SIRT1: variants seen among roughly 807,000 people sequenced by gnomAD.
The protein encoded by SIRT1 is sirtuin 1.
A neutral mutation model predicts 67.9 loss-of-function variants in SIRT1; 24 were observed. The ratio of observed to expected loss-of-function variants is 0.35; its 90% CI spans 0.26 to 0.50. The LOEUF is 0.50. Among genes scored for constraint, SIRT1 ranks in the 20% least tolerant of loss-of-function variants. SIRT1 has a pLI of 0.98. For synonymous variants in SIRT1, 378 were observed against 350.7 expected (o/e 1.08, Z -0.87); for missense variants, 873 against 937.2 (o/e 0.93, Z 0.89).
At chr10:67,908,542 T>C (rs1421727700) in intron 6 of SIRT1, among the ~76,000 whole-genome samples, 2 of 152,182 alleles carry the variant, frequency 1.3e-5, no homozygotes, top group African/African-American at 4.8e-5. Flanking sequence ...TCCAGAAATA[T>C]GTCCTGTGTG....
chr10:67,885,865 T>C (rs1008886266), intron 1 of SIRT1, among the ~76,000 whole-genome samples: 3 of 152,042 alleles, frequency 2.0e-5, no homozygotes, highest in Non-Finnish European at 4.4e-5. Flanking sequence ...TGTATGTATG[T>C]AGTATTGAGA....
In SIRT1 at chr10:67,891,572, G is replaced by T. The variant is rs1564884335; in HGVS notation, c.942+18G>T. On this transcript the variant is annotated intron_variant, in intron 4 of 8. Coordinates refer to ENST00000212015, the MANE Select transcript of SIRT1 (RefSeq NM_012238.5). ...TTGCAAAGGTACTATGAACTCTTCT[G>T]GTTGTTTCTTTGGCCTTCTCTCATG... 6 of 1,611,490 alleles carry T rather than the reference G, an allele frequency of 3.7e-6. No individual in the cohort carries two copies. The highest frequency in any genetic ancestry group is 4.2e-6 in the Non-Finnish European group (5 of 1,178,604).
In SIRT1 at chr10:67,916,548, G is replaced by C; in HGVS notation, c.2199G>C (p.Val733=). ...DQEAINEAIS[V]KQEVTDMNYP... ...AGGCAATTAATGAAGCTATATCTGT[G>C]AAACAGGAAGTAACAGACATGAACT... Residue 733 remains valine (V), a synonymous_variant, in exon 9 of 9, where the codon GTG becomes GTC. Transcript: ENST00000212015. The C allele has an allele frequency of 6.2e-7, 1 of 1,613,968 alleles. No individual in the cohort carries two copies. The highest frequency in any genetic ancestry group is 8.5e-7 in the Non-Finnish European group (1 of 1,179,934).
intron 3 of SIRT1, among the ~76,000 whole-genome samples, chr10:67,890,297 G>A (rs139004536): frequency 0.012 from 1,752 of 152,000 alleles, 17 homozygotes; most frequent in Non-Finnish European, 0.019. Context: ...CTTGTGATCC[G>A]CCTGCCTTGG....
chr10:67,901,968 C>T (rs796349200), intron 4 of SIRT1, among the ~76,000 whole-genome samples: 32 of 150,014 alleles, frequency 2.1e-4, no homozygotes, highest in African/African-American at 7.8e-4. Context: ...TAATAATTTT[C>T]AGGTATACAA....
intron 4 of SIRT1, among the ~76,000 whole-genome samples, chr10:67,896,005 T>C (rs1175832102): frequency 6.6e-6 from 1 of 152,164 alleles, no homozygotes; most frequent in East Asian, 1.9e-4. Flanking sequence ...GCCAAAGTGC[T>C]GGGATTACAG....
At chr10:67,893,529 T>G in intron 4 of SIRT1, among the ~76,000 whole-genome samples, 1 of 151,778 alleles carries the variant, frequency 6.6e-6, no homozygotes, top group Non-Finnish European at 1.5e-5. Flanking sequence ...ATCCAGAAGT[T>G]AATGAACCTA....
chr10:67,894,947 C>A (rs1461178472), intron 4 of SIRT1, among the ~76,000 whole-genome samples: 4 of 152,182 alleles, frequency 2.6e-5, no homozygotes, highest in Non-Finnish European at 4.4e-5. Flanking sequence ...CCGCCCGTTT[C>A]AGCCTCCCAA....
intron 5 of SIRT1, among the ~76,000 whole-genome samples, chr10:67,907,370 C>G (rs915976521): frequency 1.3e-5 from 2 of 151,608 alleles, no homozygotes; most frequent in African/African-American, 4.9e-5. Context: ...TGGCAGGCGC[C>G]TGTAATCCCA....
At chr10:67,885,496 T>A (rs1189819919) in intron 1 of SIRT1, 1 of 878,642 alleles carries the variant, frequency 1.1e-6, no homozygotes, top group East Asian at 4.8e-5. Flanking sequence ...TTCTTTTTCT[T>A]TATTTTTTAT....
chr10:67,907,947 CT>C lies in SIRT1; in HGVS notation c.1091-98del. The stretch of plus-strand genomic sequence containing the variant: ...AAACAAAAACAAAAATCCTTAAACC[CT>C]CTTAACATTTGTGATGTTAAACTTT... On this transcript the variant is annotated intron_variant, in intron 5 of 8. Transcript: ENST00000212015. 9 of 998,290 alleles carry C rather than the reference CT, an allele frequency of 9.0e-6. No individual in the cohort carries two copies. The South Asian group carries it at 1.5e-4, about 17-fold the overall frequency. The allele number at this position is 998,290 out of a possible 1,614,324, so 61.8% of individuals were successfully genotyped here. A position where few individuals can be genotyped will look rare whatever the true frequency, so the allele number is the denominator to read the frequency against.
chr10:67,889,358 A>C (rs1219809856), intron 3 of SIRT1, among the ~76,000 whole-genome samples: 1 of 152,224 alleles, frequency 6.6e-6, no homozygotes, highest in Non-Finnish European at 1.5e-5. Context: ...AAATGGAGTT[A>C]AGGCAAGATT....
chr10:67,902,822 A>G (rs1371932610), intron 4 of SIRT1, among the ~76,000 whole-genome samples: 1 of 152,170 alleles, frequency 6.6e-6, no homozygotes, highest in Non-Finnish European at 1.5e-5. Context: ...GGCTGGGCAC[A>G]GTGGCTCACA....
chr10:67,912,734 T>C lies in SIRT1; in HGVS notation c.1618T>C (p.Ser540Pro). ...TCTTCATGTTTCAGAAGACTCAAGT[T>C]CACCAGAAAGAACTTCACCACCAGA... ...TPLHVSEDSS[S>P]PERTSPPDSS... The change falls in exon 8 of 9, where the codon TCA (serine) becomes CCA (proline). Residue 540 changes from serine (S) to proline (P), a missense_variant. Ser to Pro is a moderately conservative substitution (Grantham distance 74, BLOSUM62 -1). Coordinates refer to ENST00000212015, the MANE Select transcript of SIRT1 (RefSeq NM_012238.5). 1 of 1,614,114 alleles carries C rather than the reference T, an allele frequency of 6.2e-7. No homozygotes were observed. The highest frequency in any genetic ancestry group is 8.5e-7 in the Non-Finnish European group (1 of 1,180,032).
chr10:67,907,769 G>T (rs933102539), intron 5 of SIRT1, among the ~76,000 whole-genome samples: 1 of 152,098 alleles, frequency 6.6e-6, no homozygotes, highest in African/African-American at 2.4e-5. Flanking sequence ...TTGTTGAAAA[G>T]AGTAGCTTTA....
chr10:67,885,320 T>C, intron 1 of SIRT1, 169 bp downstream of exon 1: 1 of 1,238,878 alleles, frequency 8.1e-7, no homozygotes, highest in Non-Finnish European at 1.0e-6. Flanking sequence ...CGGTTCCTAC[T>C]GCGCGAGCTG....
intron 2 of SIRT1, among the ~76,000 whole-genome samples, chr10:67,887,801 C>G (rs1564882683): frequency 6.6e-6 from 1 of 152,180 alleles, no homozygotes; most frequent in Non-Finnish European, 1.5e-5. Flanking sequence ...GTCTTGAACT[C>G]CCGACCTCAG....
intron 3 of SIRT1, among the ~76,000 whole-genome samples, chr10:67,890,561 A>G (rs1324488524): frequency 1.3e-5 from 2 of 151,682 alleles, no homozygotes; most frequent in African/African-American, 2.4e-5. Context: ...CCTGAGCAAC[A>G]TAGACCCTGA....
intron 4 of SIRT1, among the ~76,000 whole-genome samples, chr10:67,895,528 G>A (rs1455148448): frequency 6.6e-6 from 1 of 152,168 alleles, no homozygotes; most frequent in Non-Finnish European, 1.5e-5. Context: ...TTTTCTGTGA[G>A]TCAGTGTACT....
Sources: allele counts gnomAD v4.1 joint callset (sites outside exome capture counted in the v4.1 genomes callset), GRCh38; gene constraint gnomAD v4.1.1; transcripts MANE v1.5; gene names NCBI Gene and HGNC (gene_info 2026-07-23, HGNC 2026-07-21).